The following ROR2 variants were observed in gnomAD, a reference collection of about 807,000 sequenced individuals.
ROR2 encodes the protein ROR family WNT receptor 2.
A neutral mutation model predicts 74.9 loss-of-function variants in ROR2; 33 were observed. The observed-to-expected ratio is 0.44, with a 90% CI of 0.33 to 0.59. The LOEUF (loss-of-function observed/expected upper bound fraction) is 0.59, where lower values mean the gene tolerates loss of function less well. ROR2 is among the 20% of genes least tolerant of loss of function. The pLI is 0.02. For missense variants in ROR2, 1,216 were observed against 1,313.8 expected (o/e 0.93, Z 1.15); for synonymous variants, 586 against 558.7 (o/e 1.05, Z -0.69).
At chr9:91,920,267 G>C (rs2119443230) in intron 1 of ROR2, among the ~76,000 whole-genome samples, 1 of 152,304 alleles carries the variant, frequency 6.6e-6, no homozygotes, top group South Asian at 2.1e-4. Flanking sequence ...AGCACTTTGA[G>C]AGGTCGAAGT....
At chr9:91,949,442 G>A (rs1832108438) in intron 1 of ROR2, among the ~76,000 whole-genome samples, 1 of 151,962 alleles carries the variant, frequency 6.6e-6, no homozygotes, top group Non-Finnish European at 1.5e-5. Context: ...GACAGACGGG[G>A]GACACTCGGG....
chr9:91,725,343 A>T (rs577776975), intron 8 of ROR2, among the ~76,000 whole-genome samples: 6 of 152,138 alleles, frequency 3.9e-5, no homozygotes, highest in Non-Finnish European at 7.4e-5. Context: ...ACAGATCCCA[A>T]CCAGGCTACA....
intron 1 of ROR2, among the ~76,000 whole-genome samples, chr9:91,806,300 T>C (rs1233625514): frequency 6.6e-6 from 1 of 152,198 alleles, no homozygotes; most frequent in South Asian, 2.1e-4. Context: ...TCTTGGTTCA[T>C]AGACAGTACC....
At chr9:91,867,434 T>C (rs940039217) in intron 1 of ROR2, among the ~76,000 whole-genome samples, 2 of 152,120 alleles carry the variant, frequency 1.3e-5, no homozygotes, top group Non-Finnish European at 2.9e-5. Flanking sequence ...CAAACTCCAT[T>C]GCTGTTTTTT....
At chr9:91,926,543 C>CAAAAAAAAAAAAA (rs34550588) in intron 1 of ROR2, among the ~76,000 whole-genome samples, 8 of 101,144 alleles carry the variant, frequency 7.9e-5, no homozygotes, top group Admixed American at 1.2e-4. Flanking sequence ...GACTCCATCT[C>CAAAAAAAAAAAAA]AAAAAAAAAA....
At chr9:91,854,801 C>A (rs1023266575) in intron 1 of ROR2, among the ~76,000 whole-genome samples, 4 of 152,158 alleles carry the variant, frequency 2.6e-5, no homozygotes, top group African/African-American at 9.7e-5. Context: ...CTTTGCCTCT[C>A]GTTAGAGGTA....
chr9:91,908,974 G>A (rs991471595), intron 1 of ROR2, among the ~76,000 whole-genome samples: 1 of 152,270 alleles, frequency 6.6e-6, no homozygotes, highest in Non-Finnish European at 1.5e-5. Context: ...GCTGTTGTCA[G>A]TATCGAGCCA....
chr9:91,849,772 G>A (rs1829037989), intron 1 of ROR2, among the ~76,000 whole-genome samples: 1 of 152,208 alleles, frequency 6.6e-6, no homozygotes, highest in Non-Finnish European at 1.5e-5. Flanking sequence ...GAACCAGTTA[G>A]TACTGTGTCA....
intron 1 of ROR2, among the ~76,000 whole-genome samples, chr9:91,822,009 A>G (rs1828154467): frequency 6.6e-6 from 1 of 152,156 alleles, no homozygotes; most frequent in Admixed American, 6.5e-5. Flanking sequence ...AAAAAGCCTC[A>G]CAGTTAAACA....
chr9:91,899,166 G>A (rs1830609654), intron 1 of ROR2, among the ~76,000 whole-genome samples: 1 of 152,204 alleles, frequency 6.6e-6, no homozygotes, highest in South Asian at 2.1e-4. Context: ...ACCGGAAAGG[G>A]CCCCCAGGGG....
At chr9:91,849,992 A>C (rs1302712351) in intron 1 of ROR2, among the ~76,000 whole-genome samples, 1 of 151,776 alleles carries the variant, frequency 6.6e-6, no homozygotes, top group African/African-American at 2.4e-5. Flanking sequence ...TAAACACTTA[A>C]GTTATTTCTT....
At chr9:91,852,173 C>T in intron 1 of ROR2, among the ~76,000 whole-genome samples, 2 of 152,070 alleles carry the variant, frequency 1.3e-5, no homozygotes, top group East Asian at 3.9e-4. Context: ...ACTGATGTTT[C>T]TAAGTTGGTC....
At chr9:91,802,627 G>A (rs867221554) in intron 1 of ROR2, among the ~76,000 whole-genome samples, 2 of 152,204 alleles carry the variant, frequency 1.3e-5, no homozygotes, top group Non-Finnish European at 2.9e-5. Context: ...GCTGGGGAGA[G>A]AGAGGGCAAG....
At chr9:91,727,455 G>A (rs1837081683) in intron 7 of ROR2, among the ~76,000 whole-genome samples, 1 of 151,630 alleles carries the variant, frequency 6.6e-6, no homozygotes, top group Non-Finnish European at 1.5e-5. Flanking sequence ...CCCTCTACAG[G>A]ATTTACAGAA....
At chr9:91,794,559 T>C (rs1287460363) in intron 1 of ROR2, among the ~76,000 whole-genome samples, 1 of 152,144 alleles carries the variant, frequency 6.6e-6, no homozygotes, top group Admixed American at 6.5e-5. Context: ...TCTTAAGTAT[T>C]TTAGCACATT....
At chr9:91,885,799 T>G (rs1280797650) in intron 1 of ROR2, among the ~76,000 whole-genome samples, 1 of 149,488 alleles carries the variant, frequency 6.7e-6, no homozygotes, top group Non-Finnish European at 1.5e-5. Flanking sequence ...ACTCATGAAA[T>G]AAACAGGAAA....
At chr9:91,924,669 T>G (rs1239292341) in intron 1 of ROR2, among the ~76,000 whole-genome samples, 1 of 151,978 alleles carries the variant, frequency 6.6e-6, no homozygotes, top group Non-Finnish European at 1.5e-5. Flanking sequence ...AGCGGGCGCC[T>G]GTAGTCCCAG....
chr9:91,947,985 TTA>T (rs1284666209), intron 1 of ROR2, among the ~76,000 whole-genome samples: 1 of 152,146 alleles, frequency 6.6e-6, no homozygotes, highest in East Asian at 1.9e-4. Context: ...CCTATAAAGA[TTA>T]TGAGTATTTC....
chr9:91,846,920 C>T (rs531453283), intron 1 of ROR2, among the ~76,000 whole-genome samples: 14 of 152,134 alleles, frequency 9.2e-5, no homozygotes, highest in Non-Finnish European at 2.1e-4. Flanking sequence ...TCTGTCAAAG[C>T]GGCTATAGAC....
Sources: allele counts gnomAD v4.1 joint callset (sites outside exome capture counted in the v4.1 genomes callset), GRCh38; gene constraint gnomAD v4.1.1; transcripts MANE v1.5; gene names NCBI Gene and HGNC (gene_info 2026-07-23, HGNC 2026-07-21).